The following C2orf66 variants were observed in gnomAD, a reference collection of about 807,000 sequenced individuals.
The protein encoded by C2orf66 is uncharacterized protein C2orf66.
In C2orf66, 6 loss-of-function variants were observed where a neutral mutation model predicts 7.0. The ratio of observed to expected loss-of-function variants is 0.86; its 90% confidence interval spans 0.47 to 1.69. The LOEUF is 1.69. C2orf66 is among the 40% of genes most tolerant of loss of function. The probability of loss-of-function intolerance (pLI) is 0.01; values close to 1 mark genes in which losing one functional copy is unlikely to be tolerated. For missense variants in C2orf66, 107 were observed against 112.0 expected, an observed-to-expected ratio of 0.96 and a Z score of 0.20; for synonymous variants, 38 against 43.8, an observed-to-expected ratio of 0.87 and a Z score of 0.52.
chr2:196,832,139 G>A, the C2orf66 span: 1 of 152,176 alleles, frequency 6.6e-6, no homozygotes, highest in South Asian at 2.1e-4. Flanking sequence ...CGGATCACAA[G>A]GTCAGGAGAT....
the C2orf66 span, among the ~76,000 whole-genome samples, chr2:196,829,852 A>G: frequency 0.015 from 2,298 of 150,838 alleles, 74 homozygotes; most frequent in African/African-American, 0.054. Context: ...AGCCGAGATC[A>G]CGCCACTGCA....
the C2orf66 span, among the ~76,000 whole-genome samples, chr2:196,824,317 G>T: frequency 6.6e-6 from 1 of 151,790 alleles, no homozygotes; most frequent in African/African-American, 2.4e-5. Context: ...AATGTGTCTG[G>T]CACAGATTTT....
chr2:196,817,624 G>T, the C2orf66 span, among the ~76,000 whole-genome samples: 19 of 152,204 alleles, frequency 1.2e-4, no homozygotes, highest in African/African-American at 4.6e-4. Context: ...CCAGGGTGGG[G>T]TTTTTCCCCA....
At chr2:196,805,671 CCTCATTCCATG>C (rs1353500724) in intron 2 of C2orf66, among the ~76,000 whole-genome samples, 1 of 151,954 alleles carries the variant, frequency 6.6e-6, no homozygotes, top group African/African-American at 2.4e-5. Context: ...TTTTATATTA[CCTCATTCCATG>C]CTCACATGAA....
chr2:196,818,444 GT>G, the C2orf66 span, among the ~76,000 whole-genome samples: 1 of 152,154 alleles, frequency 6.6e-6, no homozygotes, highest in Admixed American at 6.5e-5. Context: ...CCTGCCCCTG[GT>G]CTGTCTTCCT....
chr2:196,808,932 T>G (rs148967259), intron 1 of C2orf66, among the ~76,000 whole-genome samples: 1,674 of 152,302 alleles, frequency 0.011, 11 homozygotes, highest in Middle Eastern at 0.048. Flanking sequence ...ACAAAGTCAA[T>G]GTGTATATAA....
the C2orf66 span, among the ~76,000 whole-genome samples, chr2:196,818,590 A>G: frequency 1.3e-5 from 2 of 152,210 alleles, no homozygotes; most frequent in Admixed American, 1.3e-4. Flanking sequence ...AGTAGAGTCA[A>G]CAGAGGATAA....
chr2:196,817,333 C>T, the C2orf66 span, among the ~76,000 whole-genome samples: 882 of 147,228 alleles, frequency 6.0e-3, 17 homozygotes, highest in African/African-American at 0.021. Context: ...CTCCTGGGTT[C>T]ATGCCATTCT....
chr2:196,814,415 C>A, the C2orf66 span, among the ~76,000 whole-genome samples: 1 of 151,658 alleles, frequency 6.6e-6, no homozygotes, highest in East Asian at 1.9e-4. Flanking sequence ...CACACTGGGG[C>A]CTATAGGGGG....
the C2orf66 span, among the ~76,000 whole-genome samples, chr2:196,825,828 A>G: frequency 6.6e-6 from 1 of 152,236 alleles, no homozygotes; most frequent in African/African-American, 2.4e-5. Context: ...ATGGCTGCAC[A>G]CAGTCCATAG....
At chr2:196,817,229 T>G in the C2orf66 span, among the ~76,000 whole-genome samples, 2 of 141,730 alleles carry the variant, frequency 1.4e-5, no homozygotes, top group South Asian at 4.5e-4. Context: ...GCAAGTATTG[T>G]CTTTTTTTTT....
the C2orf66 span, among the ~76,000 whole-genome samples, chr2:196,818,063 T>C: frequency 1.3e-5 from 2 of 152,182 alleles, no homozygotes; most frequent in Admixed American, 6.5e-5. Context: ...GATTAAGAGA[T>C]TAAAGTAAGA....
chr2:196,806,214 T>C (rs551144758), intron 2 of C2orf66, among the ~76,000 whole-genome samples: 3 of 152,256 alleles, frequency 2.0e-5, no homozygotes, highest in African/African-American at 7.2e-5. Flanking sequence ...TCTTATTTTT[T>C]TGAGATGGAG....
the C2orf66 span, among the ~76,000 whole-genome samples, chr2:196,817,332 T>C: frequency 6.6e-6 from 1 of 151,324 alleles, no homozygotes; most frequent in Admixed American, 6.6e-5. Flanking sequence ...CCTCCTGGGT[T>C]CATGCCATTC....
the C2orf66 span, among the ~76,000 whole-genome samples, chr2:196,828,067 T>C: frequency 6.6e-6 from 1 of 152,182 alleles, no homozygotes; most frequent in African/African-American, 2.4e-5. Flanking sequence ...ATACCCAATA[T>C]GAAATTACAT....
upstream of C2orf66, chr2:196,809,412 G>C (rs918169117): frequency 4.4e-6 from 7 of 1,586,892 alleles, no homozygotes; most frequent in Admixed American, 6.8e-5. Context: ...AGGGAAGAGA[G>C]AGAGAAAGAG....
chr2:196,830,966 G>C, the C2orf66 span, among the ~76,000 whole-genome samples: 12 of 152,114 alleles, frequency 7.9e-5, no homozygotes, highest in Non-Finnish European at 1.5e-4. Flanking sequence ...TTCACATAGA[G>C]AATTAAAGCT....
At chr2:196,805,464 C>G (rs1298961357) in intron 2 of C2orf66, 56 bp from the exon 3 acceptor site, 1 of 152,146 alleles carries the variant, frequency 6.6e-6, no homozygotes, top group Non-Finnish European at 1.5e-5. Context: ...ATACAATCAA[C>G]ACAAAGACCC....
At chr2:196,829,003 T>C in the C2orf66 span, among the ~76,000 whole-genome samples, 1 of 152,214 alleles carries the variant, frequency 6.6e-6, no homozygotes, top group Non-Finnish European at 1.5e-5. Flanking sequence ...TGGGTGTTGT[T>C]CTAAGCAGTT....
Sources: allele counts gnomAD v4.1 joint callset (sites outside exome capture counted in the v4.1 genomes callset), GRCh38; gene constraint gnomAD v4.1.1; transcripts MANE v1.5; gene names NCBI Gene and HGNC (gene_info 2026-07-23, HGNC 2026-07-21).